The following NCALD variants were observed in gnomAD, a reference collection of about 807,000 sequenced individuals.
The protein encoded by NCALD is neurocalcin delta.
NCALD carries 10 observed loss-of-function variants against 18.6 expected under a neutral mutation model. The ratio of observed to expected loss-of-function variants is 0.54; its 90% CI spans 0.33 to 0.91. The LOEUF (loss-of-function observed/expected upper bound fraction) is 0.91, where lower values mean the gene tolerates loss of function less well. Ranked by LOEUF, NCALD falls within the 40% of genes least tolerant of loss-of-function variation. The probability of loss-of-function intolerance (pLI) is 0.03; values close to 1 mark genes in which losing one functional copy is unlikely to be tolerated. For missense variants in NCALD, 184 were observed against 247.6 expected, an observed-to-expected ratio of 0.74 and a Z score of 1.72; for synonymous variants, 88 against 87.4, an observed-to-expected ratio of 1.01 and a Z score of -0.04.
chr8:101,869,534 T>C (rs900166285), intron 4 of NCALD, among the ~76,000 whole-genome samples: 12 of 152,214 alleles, frequency 7.9e-5, no homozygotes, highest in Non-Finnish European at 1.6e-4. Flanking sequence ...TTGTGGTTAA[T>C]TTGTTACAGC....
chr8:102,045,384 T>C (rs573227834), intron 1 of NCALD, among the ~76,000 whole-genome samples: 2 of 152,236 alleles, frequency 1.3e-5, no homozygotes, highest in East Asian at 1.9e-4. Context: ...AGGAATGTTA[T>C]GCACCTACCA....
chr8:102,049,933 C>T (rs1461322143), intron 1 of NCALD, among the ~76,000 whole-genome samples: 2 of 151,308 alleles, frequency 1.3e-5, no homozygotes, highest in Non-Finnish European at 2.9e-5. Context: ...GAGGCCGAGG[C>T]GGGTGGATCA....
At chr8:101,722,509 C>T (rs888811491) in intron 1 of NCALD, among the ~76,000 whole-genome samples, 1 of 152,136 alleles carries the variant, frequency 6.6e-6, no homozygotes, top group Non-Finnish European at 1.5e-5. Context: ...ATCAAATCAC[C>T]ATTTTTACAG....
At chr8:101,951,505 C>T (rs1819420568) in intron 2 of NCALD, among the ~76,000 whole-genome samples, 1 of 152,156 alleles carries the variant, frequency 6.6e-6, no homozygotes, top group Non-Finnish European at 1.5e-5. Context: ...CACAGACTTC[C>T]TGCTCAACTC....
At chr8:101,694,782 G>T (rs1814907294) in intron 2 of NCALD, among the ~76,000 whole-genome samples, 1 of 152,156 alleles carries the variant, frequency 6.6e-6, no homozygotes. Context: ...TGGGGCTGTA[G>T]TGCCATGTGC....
At chr8:101,775,846 C>G in intron 1 of NCALD, among the ~76,000 whole-genome samples, 1 of 152,226 alleles carries the variant, frequency 6.6e-6, no homozygotes, top group East Asian at 1.9e-4. Flanking sequence ...TCCAAGACCT[C>G]ACTAGCCTAT....
chr8:102,033,590 G>T (rs1586954710), intron 1 of NCALD, among the ~76,000 whole-genome samples: 1 of 152,154 alleles, frequency 6.6e-6, no homozygotes, highest in African/African-American at 2.4e-5. Flanking sequence ...ACTAAAATTT[G>T]AGATTACTAC....
At chr8:101,792,855 C>G (rs569280619), upstream of NCALD, among the ~76,000 whole-genome samples, 6 of 149,870 alleles carry the variant, frequency 4.0e-5, no homozygotes. Context: ...CCACATTCTG[C>G]TAATAGGTGA....
chr8:101,800,935 G>GGAGAGGAAGGGAGAA (rs1586536965), intron 4 of NCALD, among the ~76,000 whole-genome samples: 2 of 83,628 alleles, frequency 2.4e-5, no homozygotes, highest in East Asian at 9.5e-4. Flanking sequence ...GAAGGGGAGG[G>GGAGAGGAAGGGAGAA]GAGAGGAAGG....
intron 1 of NCALD, among the ~76,000 whole-genome samples, chr8:102,057,129 G>A (rs1186744549): frequency 1.3e-5 from 2 of 151,982 alleles, no homozygotes; most frequent in Non-Finnish European, 2.9e-5. Flanking sequence ...CTCATTTGTG[G>A]GCACCTCATG....
intron 2 of NCALD, among the ~76,000 whole-genome samples, chr8:101,978,694 AC>A (rs1820512865): frequency 6.6e-6 from 1 of 152,128 alleles, no homozygotes; most frequent in Non-Finnish European, 1.5e-5. Context: ...GTAGCCTCTA[AC>A]ATGCATGAGG....
intron 4 of NCALD, among the ~76,000 whole-genome samples, chr8:101,825,128 G>T (rs1033606685): frequency 2.0e-5 from 3 of 152,164 alleles, no homozygotes; most frequent in Non-Finnish European, 4.4e-5. Flanking sequence ...ACAGGTCACC[G>T]CTGTCTTCAA....
At chr8:102,043,600 G>T (rs1170821496) in intron 1 of NCALD, among the ~76,000 whole-genome samples, 1 of 151,472 alleles carries the variant, frequency 6.6e-6, no homozygotes, top group Admixed American at 6.6e-5. Flanking sequence ...AAGGTAAAAT[G>T]TTAGGCGGTT....
intron 1 of NCALD, among the ~76,000 whole-genome samples, chr8:101,783,199 A>G (rs752436922): frequency 1.3e-4 from 20 of 152,172 alleles, no homozygotes; most frequent in Admixed American, 6.5e-5. Context: ...AATGAATGAG[A>G]GTCTTCTTAA....
At chr8:102,096,189 G>A (rs1825091958) in intron 1 of NCALD, among the ~76,000 whole-genome samples, 1 of 152,236 alleles carries the variant, frequency 6.6e-6, no homozygotes, top group African/African-American at 2.4e-5. Context: ...AGGCTGAAGA[G>A]CAAAGATCAG....
intron 2 of NCALD, among the ~76,000 whole-genome samples, chr8:101,935,793 TTTTTTTTTTTTTA>T (rs1818740791): frequency 6.8e-6 from 1 of 147,344 alleles, no homozygotes; most frequent in South Asian, 2.2e-4. Context: ...CTTTTTTTTT[TTTTTTTTTTTTTA>T]AAGATGGAAG....
At chr8:102,101,998 T>G (rs1156916166) in intron 1 of NCALD, among the ~76,000 whole-genome samples, 1 of 152,212 alleles carries the variant, frequency 6.6e-6, no homozygotes, top group Non-Finnish European at 1.5e-5. Flanking sequence ...AATGCAACTC[T>G]GAAACAGAAC....
At chr8:101,788,111 G>A (rs940703873) in intron 1 of NCALD, among the ~76,000 whole-genome samples, 3 of 152,174 alleles carry the variant, frequency 2.0e-5, no homozygotes, top group African/African-American at 7.2e-5. Context: ...TTTTCATGCA[G>A]AATTTAGAGA....
intron 2 of NCALD, among the ~76,000 whole-genome samples, chr8:101,922,236 T>C (rs1243756118): frequency 2.0e-5 from 3 of 151,096 alleles, no homozygotes; most frequent in South Asian, 2.1e-4. Context: ...GATAAATAAA[T>C]GAGCAGTGAC....
Sources: gnomAD v4.1 joint callset for allele counts (sites outside exome capture counted in the v4.1 genomes callset) on GRCh38, gnomAD v4.1.1 for gene constraint, MANE v1.5 for transcripts, NCBI Gene and HGNC (gene_info 2026-07-23, HGNC 2026-07-21) for gene names.